The following IQSEC2 variants were observed in gnomAD, a reference collection of about 807,000 sequenced individuals.
IQSEC2 encodes IQ motif and SEC7 domain-containing protein 2.
IQSEC2 carries 6 observed loss-of-function variants against 74.6 expected under a neutral mutation model. The observed-to-expected ratio is 0.08, with a 90% CI of 0.04 to 0.16. The LOEUF (loss-of-function observed/expected upper bound fraction) is 0.16. Among genes scored for constraint, IQSEC2 ranks in the 10% least tolerant of loss-of-function variants. IQSEC2 has a pLI of 1.00. For missense variants in IQSEC2, 734 were observed against 1,306.2 expected (o/e 0.56, Z 6.75); for synonymous variants, 494 against 544.5 (o/e 0.91, Z 1.29).
rs36027805 is a variant in IQSEC2, at chrX:53,278,003, C to CTTTTTTTTTTTTTTTTTTTTTTTTTT, written c.737+13891_737+13892insAAAAAAAAAAAAAAAAAAAAAAAAAA. Among the ~76,000 whole-genome samples the CTTTTTTTTTTTTTTTTTTTTTTTTTT allele has an allele frequency of 8.0e-5, 3 of 37,573 alleles. 1 individual carries two copies. The highest frequency in any genetic ancestry group is 3.6e-4 in the African/African-American group (3 of 8,387). The allele number at this position is 37,573 out of a possible 115,157, so 32.6% of individuals were successfully genotyped here. A position where few individuals can be genotyped will look rare whatever the true frequency, so the allele number is the denominator to read the frequency against. ...TCTTTTTTTCTTTTCTTTTCTTTTT[C>CTTTTTTTTTTTTTTTTTTTTTTTTTT]TTTTTTTTTTTTTTTTTTTTTTTTT... On this transcript the variant is annotated intron_variant, in intron 2 of 14. Transcript: ENST00000642864.
At chrX:53,254,343 A>AAAAGG (rs1556864470) in intron 4 of IQSEC2, among the ~76,000 whole-genome samples, 187 bp downstream of exon 4, 71 of 109,110 alleles carry the variant, frequency 6.5e-4, no homozygotes, top group African/African-American at 2.4e-3. Context: ...AAAAAAAAAA[A>AAAAGG]AAAAAGGTAA....
intron 2 of IQSEC2, among the ~76,000 whole-genome samples, chrX:53,259,922 C>A (rs1556866143): frequency 8.9e-6 from 1 of 112,416 alleles, no homozygotes; most frequent in African/African-American, 3.2e-5. Flanking sequence ...CCTCTGTATG[C>A]CAGGCACAGT....
intron 2 of IQSEC2, among the ~76,000 whole-genome samples, chrX:53,288,612 C>G (rs2075058541): frequency 8.9e-6 from 1 of 112,115 alleles, no homozygotes; most frequent in Non-Finnish European, 1.9e-5. Flanking sequence ...TCCAGCCTGA[C>G]TATATAGCAT....
intron 2 of IQSEC2, among the ~76,000 whole-genome samples, chrX:53,269,053 T>C (rs1465582440): frequency 8.9e-6 from 1 of 112,319 alleles, no homozygotes; most frequent in African/African-American, 3.2e-5. Flanking sequence ...CCAGCCTTCA[T>C]CAAGCTAGCT....
intron 6 of IQSEC2, 117 bp from the exon 7 acceptor site, chrX:53,248,353 C>T: frequency 1.1e-6 from 1 of 946,094 alleles, no homozygotes; most frequent in South Asian, 2.1e-5. Flanking sequence ...AATTCAGGAC[C>T]TGTGGCCCGA....
chrX:53,237,719 C>T (rs1329174694), intron 12 of IQSEC2: 4 of 180,546 alleles, frequency 2.2e-5, no homozygotes, highest in South Asian at 1.1e-4. Context: ...TGGGACATTT[C>T]GGCTACCTTG....
intron 2 of IQSEC2, chrX:53,266,390 C>T (rs1454020024): frequency 1.3e-6 from 1 of 751,693 alleles, no homozygotes; most frequent in East Asian, 1.5e-4. Context: ...TCTGAGAGGC[C>T]TTTTCCTCCT....
At chrX:53,287,103 T>C (rs942408565) in intron 2 of IQSEC2, among the ~76,000 whole-genome samples, 3 of 110,537 alleles carry the variant, frequency 2.7e-5, no homozygotes, top group African/African-American at 9.9e-5. Context: ...CCACTTCCAG[T>C]TGGTGTGAGG....
intron 1 of IQSEC2, among the ~76,000 whole-genome samples, chrX:53,308,254 C>T (rs1438249544): frequency 1.8e-5 from 2 of 108,210 alleles, no homozygotes; most frequent in Non-Finnish European, 3.8e-5. Flanking sequence ...AAAAAACAGA[C>T]CTTGTTCTGA....
In IQSEC2 at chrX:53,236,592, C is replaced by T. The variant is rs1347455476; in HGVS notation, c.3278-97G>A. On this transcript the variant is annotated intron_variant, in intron 12 of 14. Transcript: ENST00000642864. ...CCCTCCATGGGCCATTCTCCTTCCT[C>T]CTCCCTCCTCCCTCCCTCTGTCCCC... The T allele has an allele frequency of 8.9e-6, 8 of 903,540 alleles. No individual in the cohort carries two copies. The South Asian group carries it at 1.5e-4, about 17-fold the overall frequency. 74.5% of individuals were successfully genotyped at this position (903,540 alleles called of 1,213,427 possible). A position where few individuals can be genotyped will look rare whatever the true frequency, so the allele number is the denominator to read the frequency against.
At chrX:53,307,130 A>C (rs1556876823) in intron 1 of IQSEC2, among the ~76,000 whole-genome samples, 2 of 109,704 alleles carry the variant, frequency 1.8e-5, no homozygotes, top group African/African-American at 6.6e-5. Flanking sequence ...TGGTGCCCCC[A>C]AAATAAAGTG....
Position 53,250,483 on chromosome X carries a change from C to G in IQSEC2, c.2093G>C (p.Ser698Thr). 1 of 1,211,609 alleles carries G rather than the reference C, an allele frequency of 8.3e-7. No homozygotes were observed. The highest frequency in any genetic ancestry group is 1.1e-6 in the Non-Finnish European group (1 of 895,354). ...ATTGGAATTGCTGGAGCTCTCAAGG[C>G]TCTCGTTATCTCCACCATCAGAGTT... ...GENSDGGDNESLESSSNSNET... is the reference protein window; with the variant it reads ...GENSDGGDNETLESSSNSNET... Residue 698 changes from serine to threonine, a missense_variant, in exon 5 of 15, where the codon AGC becomes ACC. Transcript: ENST00000642864.
chrX:53,277,247 C>T (rs2074848570), intron 2 of IQSEC2, among the ~76,000 whole-genome samples: 2 of 110,094 alleles, frequency 1.8e-5, no homozygotes, highest in Non-Finnish European at 1.9e-5. Flanking sequence ...AGTCTCACAC[C>T]GTTGCCCTGG....
chrX:53,238,260 C>A lies in IQSEC2; in HGVS notation c.3162G>T (p.Glu1054Asp). ...IKLLSAVPGG[E>D]RKVLIIFNAP... ...CATTGAAGATGATGAGGACTTTTCG[C>A]TCCCCACCAGGTACTGCAGACAGCA... is the stretch of plus-strand genomic sequence containing the variant. The change falls in exon 12 of 15, where the codon GAG (glutamate) becomes GAT (aspartate). Residue 1054 changes from glutamate to aspartate, a missense_variant. Glu to Asp is a conservative substitution (Grantham distance 45). This residue lies in a region of IQSEC2 where 249 missense variants were observed against 467.9 expected (regional missense o/e 0.53). Coordinates refer to ENST00000642864, the MANE Select transcript of IQSEC2 (RefSeq NM_001111125.3). 1 of 1,211,548 alleles carries A rather than the reference C, an allele frequency of 8.3e-7. No homozygotes were observed. Among genetic ancestry groups the A allele is most frequent in the Non-Finnish European group, 1.1e-6 (1 of 895,314 alleles).
In IQSEC2 at chrX:53,250,669, C is replaced by A. The variant is rs2074372213; in HGVS notation, c.1907G>T (p.Gly636Val). ...TGGGATCGGGGCCCTGCCTGGTGGC[C>A]CCTTGTGCTTCAGGGTCCCATGGGG... is the stretch of plus-strand genomic sequence containing the variant. ...CSPHGTLKHK[G>V]PPGRAPIPHR... Residue 636 changes from glycine to valine, a missense_variant, in exon 5 of 15, where the codon GGG becomes GTG. By Grantham distance (109) the Gly-to-Val change is moderately radical (BLOSUM62 -3). Around this residue, in one of 12 missense-constraint regions of IQSEC2, gnomAD observed 204 missense variants for 305.4 expected, o/e 0.67. Coordinates refer to ENST00000642864, the MANE Select transcript of IQSEC2 (RefSeq NM_001111125.3). The A allele has an allele frequency of 1.7e-6, 2 of 1,210,561 alleles. No homozygotes were observed. Among genetic ancestry groups the A allele is most frequent in the Non-Finnish European group, 2.2e-6 (2 of 895,017 alleles).
chrX:53,286,939 C>CAA (rs11464309), intron 2 of IQSEC2, among the ~76,000 whole-genome samples: 1,572 of 57,697 alleles, frequency 0.027, 48 homozygotes, highest in African/African-American at 0.079. Flanking sequence ...GTATCCGGCT[C>CAA]AAAAAAAAAA....
intron 2 of IQSEC2, chrX:53,279,591 G>T: frequency 8.3e-7 from 1 of 1,201,813 alleles, no homozygotes; most frequent in South Asian, 1.8e-5. Context: ...GCCTGAGGGG[G>T]TAAGCTTCAT....
intron 2 of IQSEC2, among the ~76,000 whole-genome samples, chrX:53,265,919 G>A (rs1208827349): frequency 3.6e-5 from 4 of 112,481 alleles, no homozygotes; most frequent in African/African-American, 1.3e-4. Context: ...CCACAGGACT[G>A]GAAAATCCCA....
chrX:53,287,579 AAC>A (rs1556872071), intron 2 of IQSEC2, among the ~76,000 whole-genome samples: 1 of 113,047 alleles, frequency 8.8e-6, no homozygotes, highest in East Asian at 2.8e-4. Flanking sequence ...CACATGCATA[AAC>A]ACAGAGGTGC....
Sources: allele counts gnomAD v4.1 joint callset (sites outside exome capture counted in the v4.1 genomes callset), GRCh38; gene constraint gnomAD v4.1.1; regional missense constraint gnomAD v4.1.1; transcripts MANE v1.5; gene names NCBI Gene and HGNC (gene_info 2026-07-23, HGNC 2026-07-21).